TULP4: variants seen among roughly 807,000 people sequenced by gnomAD.
The protein encoded by TULP4 is tubby-related protein 4.
TULP4 carries 16 observed loss-of-function variants against 129.0 expected under a neutral mutation model. The ratio of observed to expected loss-of-function variants is 0.12; its 90% CI spans 0.08 to 0.19. The LOEUF (loss-of-function observed/expected upper bound fraction) is 0.19, where lower values mean the gene tolerates loss of function less well. Ranked by LOEUF, TULP4 falls within the 10% of genes least tolerant of loss-of-function variation. The pLI is 1.00. For synonymous variants in TULP4, 998 were observed against 854.0 expected, an observed-to-expected ratio of 1.17 and a Z score of -2.94; for missense variants, 1,842 against 2,059.1, an observed-to-expected ratio of 0.89 and a Z score of 2.04.
chr6:158,350,020 A>G (rs1184760085), intron 1 of TULP4, among the ~76,000 whole-genome samples: 47 of 85,846 alleles, frequency 5.5e-4, no homozygotes, highest in Middle Eastern at 0.011. Flanking sequence ...CAGGCGGGGC[A>G]GCCGGGCAGA....
intron 1 of TULP4, among the ~76,000 whole-genome samples, chr6:158,381,165 T>TA (rs891264383): frequency 2.6e-5 from 4 of 151,448 alleles, no homozygotes; most frequent in Admixed American, 6.6e-5. Context: ...TGGTTGTTTT[T>TA]TTTTTTAACT....
At chr6:158,326,549 A>T (rs895963068) in intron 1 of TULP4, among the ~76,000 whole-genome samples, 6 of 152,208 alleles carry the variant, frequency 3.9e-5, no homozygotes, top group Non-Finnish European at 7.3e-5. Context: ...CATAATCTCC[A>T]GTATCTTCCT....
At chr6:158,444,926 C>T (rs1352930513) in intron 3 of TULP4, among the ~76,000 whole-genome samples, 1 of 152,202 alleles carries the variant, frequency 6.6e-6, no homozygotes, top group Non-Finnish European at 1.5e-5. Flanking sequence ...ATCCTCCCGC[C>T]TCAGCCTCCC....
rs35828960 is a variant in TULP4, at chr6:158,489,460, G to A, written c.1487-128G>A. On this transcript the variant is annotated intron_variant, in intron 8 of 13. Transcript: ENST00000367097. ...GAAAAACAATGCCAAGCTTCTTTTT[G>A]GTTTCAACCTCTAGGTCTAAAATGA... is the stretch of plus-strand genomic sequence containing the variant. 45,209 of 1,132,520 alleles carry A rather than the reference G, an allele frequency of 0.04. 1,150 individuals carry two copies. The highest frequency in any genetic ancestry group is 0.072 in the South Asian group (4,411 of 61,626). 70.2% of individuals were successfully genotyped at this position (1,132,520 alleles called of 1,614,324 possible). A position where few individuals can be genotyped will look rare whatever the true frequency, so the allele number is the denominator to read the frequency against.
intron 1 of TULP4, among the ~76,000 whole-genome samples, chr6:158,354,921 T>G (rs1436347363): frequency 6.7e-6 from 1 of 148,494 alleles, no homozygotes; most frequent in Non-Finnish European, 1.5e-5. Flanking sequence ...GCCCTCAAGA[T>G]GCTCATTTGC....
chr6:158,451,303 G>A (rs764046335), intron 4 of TULP4, among the ~76,000 whole-genome samples: 3 of 152,136 alleles, frequency 2.0e-5, no homozygotes, highest in African/African-American at 4.8e-5. Context: ...TGTGGAGGTC[G>A]GTATAGTGCA....
chr6:158,485,532 G>A (rs1780046658), intron 8 of TULP4, among the ~76,000 whole-genome samples: 1 of 152,198 alleles, frequency 6.6e-6, no homozygotes, highest in Non-Finnish European at 1.5e-5. Context: ...TGATGGAGCT[G>A]TTTGGCCACT....
intron 6 of TULP4, among the ~76,000 whole-genome samples, chr6:158,479,450 A>G (rs1308855295): frequency 6.6e-6 from 1 of 152,126 alleles, no homozygotes; most frequent in Non-Finnish European, 1.5e-5. Flanking sequence ...TATTTTTAAG[A>G]TGAGAATCTC....
intron 1 of TULP4, among the ~76,000 whole-genome samples, chr6:158,342,742 C>T (rs1311988823): frequency 1.3e-5 from 2 of 152,164 alleles, no homozygotes; most frequent in Non-Finnish European, 2.9e-5. Flanking sequence ...TTAGTTCTGT[C>T]ACCTACTAGC....
At chr6:158,365,049 T>C (rs1254740633) in intron 1 of TULP4, among the ~76,000 whole-genome samples, 2 of 151,858 alleles carry the variant, frequency 1.3e-5, no homozygotes, top group Non-Finnish European at 2.9e-5. Flanking sequence ...GATTTGTTTT[T>C]ATCCAGTCTC....
chr6:158,472,270 T>G (rs1779703762), intron 6 of TULP4, among the ~76,000 whole-genome samples: 1 of 152,192 alleles, frequency 6.6e-6, no homozygotes, highest in Non-Finnish European at 1.5e-5. Flanking sequence ...CCTTAACCAT[T>G]GCAGAAGTTC....
chr6:158,502,718 C>T lies in TULP4; in HGVS notation c.3055C>T (p.Pro1019Ser). ...LQPLAKSKGG[P>S]GGVVTQLPAR... is the part of the protein sequence containing the mutation. ...GCCCCTGGCCAAGTCCAAGGGCGGG[C>T]CCGGGGGGGTGGTGACACAGCTCCC... is the stretch of plus-strand genomic sequence containing the variant. The change falls in exon 13 of 14, where the codon CCC becomes TCC. Residue 1019 changes from proline to serine, a missense_variant. Pro to Ser is a moderately conservative substitution (Grantham distance 74). This residue lies in a region of TULP4 where 1,089 missense variants were observed against 987.1 expected (regional missense o/e 1.10). Coordinates refer to ENST00000367097, the MANE Select transcript of TULP4 (RefSeq NM_020245.5). The T allele has an allele frequency of 6.4e-7, 1 of 1,564,196 alleles. No individual in the cohort carries two copies. The highest frequency in any genetic ancestry group is 8.6e-7 in the Non-Finnish European group (1 of 1,159,598).
At chr6:158,307,181 T>C (rs1779229389) in intron 1 of TULP4, among the ~76,000 whole-genome samples, 1 of 152,270 alleles carries the variant, frequency 6.6e-6, no homozygotes, top group Non-Finnish European at 1.5e-5. Flanking sequence ...CAATATCTAA[T>C]GTCTGGCTTA....
intron 1 of TULP4, among the ~76,000 whole-genome samples, chr6:158,236,795 C>CTTTTCTTTTTTTTTTTTTTTTTTTT (rs1554272522): frequency 6.3e-5 from 4 of 63,302 alleles, no homozygotes; most frequent in Non-Finnish European, 9.3e-5. Flanking sequence ...CAATTCTTTT[C>CTTTTCTTTTTTTTTTTTTTTTTTTT]TTTTTTTTTT....
chr6:158,406,429 T>C (rs904926099), intron 1 of TULP4, among the ~76,000 whole-genome samples: 2 of 152,172 alleles, frequency 1.3e-5, no homozygotes, highest in African/African-American at 4.8e-5. Flanking sequence ...TTCAAAGTGA[T>C]TTGCAACCTC....
chr6:158,283,113 TG>T (rs1468362814), intron 1 of TULP4, among the ~76,000 whole-genome samples: 1 of 146,758 alleles, frequency 6.8e-6, no homozygotes, highest in East Asian at 2.0e-4. Flanking sequence ...CACTGCAGCC[TG>T]GGTGACAGAG....
upstream of TULP4, among the ~76,000 whole-genome samples, chr6:158,309,752 G>A (rs993922901): frequency 3.9e-5 from 6 of 152,122 alleles, no homozygotes; most frequent in African/African-American, 9.7e-5. Flanking sequence ...CCAGTCAGGC[G>A]TGGCGGCGCG....
At chr6:158,452,035 C>G (rs142549210) in intron 4 of TULP4, 99 bp from the exon 5 acceptor site, 128 of 1,542,238 alleles carry the variant, frequency 8.3e-5, no homozygotes, top group Middle Eastern at 7.0e-4. Flanking sequence ...TCTGCATTGT[C>G]AGGCAATTTC....
intron 1 of TULP4, among the ~76,000 whole-genome samples, chr6:158,259,139 A>G (rs1245414346): frequency 6.6e-6 from 1 of 152,216 alleles, no homozygotes; most frequent in Non-Finnish European, 1.5e-5. Context: ...CTGAGACAGG[A>G]TAATCGCTTG....
Sources: gnomAD v4.1 joint callset for allele counts (sites outside exome capture counted in the v4.1 genomes callset) on GRCh38, gnomAD v4.1.1 for gene constraint, gnomAD v4.1.1 regional missense constraint, MANE v1.5 for transcripts, NCBI Gene and HGNC (gene_info 2026-07-23, HGNC 2026-07-21) for gene names.